ATRNL1: variants seen among roughly 807,000 people sequenced by gnomAD.
The protein encoded by ATRNL1 is attractin-like protein 1.
ATRNL1 carries 95 observed loss-of-function variants against 182.7 expected under a neutral mutation model. That is an observed-to-expected ratio of 0.52 (90% CI 0.44 to 0.62). The LOEUF is 0.62. Among genes scored for constraint, ATRNL1 ranks in the 20% least tolerant of loss-of-function variants. The probability of loss-of-function intolerance (pLI) is 0.00; values close to 1 mark genes in which losing one functional copy is unlikely to be tolerated. For synonymous variants in ATRNL1, 576 were observed against 568.3 expected (o/e 1.01, Z -0.19); for missense variants, 1,471 against 1,679.5 (o/e 0.88, Z 2.17).
intron 25 of ATRNL1, among the ~76,000 whole-genome samples, chr10:115,540,050 G>A (rs1411950147): frequency 6.6e-6 from 1 of 151,452 alleles, no homozygotes; most frequent in Non-Finnish European, 1.5e-5. Flanking sequence ...AATGAGTGCA[G>A]CACACCAACA....
At chr10:115,817,708 C>A (rs1223561120) in intron 27 of ATRNL1, among the ~76,000 whole-genome samples, 4 of 151,614 alleles carry the variant, frequency 2.6e-5, no homozygotes, top group Non-Finnish European at 2.9e-5. Context: ...GAAACTGTTT[C>A]ATGCGCTGAA....
intron 19 of ATRNL1, among the ~76,000 whole-genome samples, chr10:115,337,077 G>T (rs537905221): frequency 9.3e-4 from 140 of 151,198 alleles, no homozygotes; most frequent in African/African-American, 3.3e-3. Context: ...TGGCCAGGCT[G>T]GTCTTAAACT....
chr10:115,758,787 G>A (rs114223479), intron 27 of ATRNL1, among the ~76,000 whole-genome samples: 3 of 152,348 alleles, frequency 2.0e-5, no homozygotes, highest in African/African-American at 7.2e-5. Flanking sequence ...CGCCCAGTTC[G>A]AACTTCCTGG....
intron 15 of ATRNL1, among the ~76,000 whole-genome samples, chr10:115,290,622 C>A (rs751378827): frequency 6.6e-6 from 1 of 152,112 alleles, no homozygotes; most frequent in Non-Finnish European, 1.5e-5. Flanking sequence ...TGCCATTGCA[C>A]CCCAGCCTGG....
In ATRNL1 at chr10:115,125,819, T is replaced by G. The variant is rs183434357; in HGVS notation, c.492-1774T>G. Among the ~76,000 whole-genome samples the G allele has an allele frequency of 3.7e-3, 562 of 152,116 alleles. 2 individuals are homozygous for G. The highest frequency in any genetic ancestry group is 0.014 in the Middle Eastern group (4 of 294). On this transcript the variant is annotated intron_variant, in intron 3 of 28. Coordinates refer to ENST00000355044, the MANE Select transcript of ATRNL1 (RefSeq NM_207303.4). ...TAAAATCCCTGAAATTACCACCGAG[T>G]TTTTTTTAGCCCTTCAAATCTTACC...
At chr10:115,839,330 C>G (rs1158331804) in intron 27 of ATRNL1, among the ~76,000 whole-genome samples, 1 of 152,112 alleles carries the variant, frequency 6.6e-6, no homozygotes, top group Non-Finnish European at 1.5e-5. Context: ...CCGTTTCCAT[C>G]CGAGCATCTC....
chr10:115,270,952 T>C (rs1851833853), intron 13 of ATRNL1, among the ~76,000 whole-genome samples: 1 of 152,128 alleles, frequency 6.6e-6, no homozygotes, highest in South Asian at 2.1e-4. Context: ...GTCATAATTC[T>C]ACCTAACATA....
At chr10:115,177,577 A>G (rs1419203408) in intron 8 of ATRNL1, among the ~76,000 whole-genome samples, 1 of 152,122 alleles carries the variant, frequency 6.6e-6, no homozygotes, top group African/African-American at 2.4e-5. Flanking sequence ...TTCTTTAACT[A>G]TTAACCCTGT....
At chr10:115,477,246 C>T (rs1180548548) in intron 24 of ATRNL1, among the ~76,000 whole-genome samples, 1 of 151,428 alleles carries the variant, frequency 6.6e-6, no homozygotes, top group Non-Finnish European at 1.5e-5. Context: ...GTGTAAGAAA[C>T]AGAAATCGTG....
At chr10:115,615,533 A>G (rs1351940134) in intron 26 of ATRNL1, among the ~76,000 whole-genome samples, 5 of 152,072 alleles carry the variant, frequency 3.3e-5, no homozygotes, top group African/African-American at 9.7e-5. Context: ...GATGCTTGAT[A>G]TGGTTTGGAT....
chr10:115,336,982 G>T (rs905431352), intron 19 of ATRNL1, among the ~76,000 whole-genome samples: 11 of 146,944 alleles, frequency 7.5e-5, no homozygotes, highest in East Asian at 3.9e-4. Context: ...AGTAGCTGGG[G>T]GGGGGGGACT....
chr10:115,575,480 T>C (rs1854645544), intron 26 of ATRNL1, among the ~76,000 whole-genome samples: 1 of 152,104 alleles, frequency 6.6e-6, no homozygotes, highest in Non-Finnish European at 1.5e-5. Context: ...TCTGGAGTGT[T>C]TTTCAACATG....
At chr10:115,319,710 CTGCTTTTTTTTTTT>C (rs1319537314) in intron 18 of ATRNL1, among the ~76,000 whole-genome samples, 1 of 150,738 alleles carries the variant, frequency 6.6e-6, no homozygotes, top group Non-Finnish European at 1.5e-5. Flanking sequence ...ATTGCATCCC[CTGCTTTTTTTTTTT>C]TTAACTTTCC....
intron 27 of ATRNL1, among the ~76,000 whole-genome samples, chr10:115,732,257 A>G (rs1332934965): frequency 6.6e-6 from 1 of 152,186 alleles, no homozygotes; most frequent in African/African-American, 2.4e-5. Context: ...TGAATAGTCT[A>G]GGGACCCTTG....
intron 28 of ATRNL1, among the ~76,000 whole-genome samples, chr10:115,869,742 G>A (rs1374909357): frequency 6.6e-6 from 1 of 151,606 alleles, no homozygotes; most frequent in Admixed American, 6.6e-5. Context: ...ATTTTATTCA[G>A]GACTTTAGAC....
intron 18 of ATRNL1, among the ~76,000 whole-genome samples, chr10:115,319,543 A>G: frequency 6.6e-6 from 1 of 152,092 alleles, no homozygotes; most frequent in South Asian, 2.1e-4. Flanking sequence ...GTCTCTACAA[A>G]CTTGTTTTAT....
At chr10:115,834,078 T>C (rs782602407) in intron 27 of ATRNL1, among the ~76,000 whole-genome samples, 14 of 152,182 alleles carry the variant, frequency 9.2e-5, no homozygotes, top group Non-Finnish European at 1.3e-4. Flanking sequence ...TCTTTCTATC[T>C]ACAGTTAATT....
At chr10:115,194,298 A>G (rs1330232917) in intron 8 of ATRNL1, among the ~76,000 whole-genome samples, 1 of 151,980 alleles carries the variant, frequency 6.6e-6, no homozygotes, top group East Asian at 1.9e-4. Context: ...GTGCTGTTGA[A>G]GTCCCAAGAT....
intron 26 of ATRNL1, among the ~76,000 whole-genome samples, chr10:115,552,980 G>A (rs556478683): frequency 7.3e-5 from 11 of 151,364 alleles, no homozygotes; most frequent in African/African-American, 2.7e-4. Flanking sequence ...TTCAGTTATA[G>A]TCATCACATT....
Sources: gnomAD v4.1 joint callset for allele counts (sites outside exome capture counted in the v4.1 genomes callset) on GRCh38, gnomAD v4.1.1 for gene constraint, MANE v1.5 for transcripts, NCBI Gene and HGNC (gene_info 2026-07-23, HGNC 2026-07-21) for gene names.